Variants in SNX4 observed in about 807,000 individuals in gnomAD.
The protein encoded by SNX4 is sorting nexin 4.
Under a neutral mutation model 70.8 loss-of-function variants are expected in SNX4, and 49 were observed. The observed-to-expected ratio is 0.69, with a 90% confidence interval of 0.55 to 0.88. The LOEUF (loss-of-function observed/expected upper bound fraction) is 0.88, where lower values mean the gene tolerates loss of function less well. SNX4 is among the 40% of genes least tolerant of loss of function. The pLI is 0.00. For synonymous variants in SNX4, 206 were observed against 183.8 expected (o/e 1.12, Z -0.98); for missense variants, 528 against 544.8 (o/e 0.97, Z 0.31).
chr3:125,520,162 G>A lies in SNX4; in HGVS notation c.11C>T (p.Ala4Val), dbSNP rs1017738081. 3.6e-6 allele frequency: 5 copies of A among 1,407,680 alleles called. 1 individual carries two copies. In the Middle Eastern group the frequency reaches 1.0e-3, roughly 290 times the overall value. The allele number at this position is 1,407,680 out of a possible 1,614,324, so 87.2% of individuals were successfully genotyped here. A position where few individuals can be genotyped will look rare whatever the true frequency, so the allele number is the denominator to read the frequency against. Residue 4 changes from alanine to valine, a missense_variant, in exon 1 of 14, where the codon GCA becomes GTA. Ala to Val is a moderately conservative substitution (Grantham distance 64). Transcript: ENST00000251775. MEQ[A>V]PPDPERQLQP... ...GAGCTGCCGCTCGGGGTCCGGAGGTGCCTGCTCCATGGCTGCAGTTCGGCG... is the reference window on the plus strand; with the variant it reads ...GAGCTGCCGCTCGGGGTCCGGAGGTACCTGCTCCATGGCTGCAGTTCGGCG...
At chr3:125,506,783 T>C (rs1292377797) in intron 1 of SNX4, among the ~76,000 whole-genome samples, 2 of 109,696 alleles carry the variant, frequency 1.8e-5, no homozygotes, top group African/African-American at 7.1e-5. Context: ...ATCTTATAGA[T>C]GCTCAGAGAA....
chr3:125,507,453 G>C (rs1231436174), intron 1 of SNX4, among the ~76,000 whole-genome samples: 14 of 152,062 alleles, frequency 9.2e-5, no homozygotes, highest in Admixed American at 9.2e-4. Flanking sequence ...AAGGAGAGGG[G>C]AGAGAGAAAA....
chr3:125,469,355 A>G (rs994860821), intron 9 of SNX4, 99 bp downstream of exon 9: 2 of 786,962 alleles, frequency 2.5e-6, no homozygotes, highest in Non-Finnish European at 4.3e-6. Flanking sequence ...CGCAATATAA[A>G]TGCCAGCAAA....
At chr3:125,516,288 C>T (rs1271247207) in intron 1 of SNX4, among the ~76,000 whole-genome samples, 1 of 152,222 alleles carries the variant, frequency 6.6e-6, no homozygotes, top group Non-Finnish European at 1.5e-5. Flanking sequence ...GCTATTTCCT[C>T]TCCTTCTGCT....
chr3:125,489,369 C>G, intron 6 of SNX4, 39 bp downstream of exon 6: 1 of 1,499,202 alleles, frequency 6.7e-7, no homozygotes, highest in Non-Finnish European at 9.3e-7. Flanking sequence ...TAGCACCATT[C>G]AAAACAACAT....
chr3:125,502,073 A>G (rs1934940700), intron 2 of SNX4, among the ~76,000 whole-genome samples: 1 of 152,222 alleles, frequency 6.6e-6, no homozygotes, highest in Admixed American at 6.5e-5. Flanking sequence ...ACAGGCATAT[A>G]CTAAATATAT....
At chr3:125,465,938 C>T (rs935118377) in intron 9 of SNX4, among the ~76,000 whole-genome samples, 9 of 152,268 alleles carry the variant, frequency 5.9e-5, no homozygotes, top group East Asian at 1.9e-4. Flanking sequence ...CCATTGTGCC[C>T]GGCCCATGTA....
At position 125,520,033 on chromosome 3, in the gene SNX4, G is replaced by A. The variant is rs976498273; in HGVS notation, c.140C>T (p.Thr47Met). Residue 47 changes from threonine (T) to methionine (M), a missense_variant and splice_region_variant, in exon 1 of 14, where the codon ACG (threonine) becomes ATG (methionine). Thr to Met is a moderately conservative substitution (Grantham distance 81). Transcript: ENST00000251775. Reference protein sequence around the residue: ...GAGEESSGVDTMTHNNFWLKK... With the variant: ...GAGEESSGVDMMTHNNFWLKK... ...GGCTCTGCCGCCCCTTCTCCTCACC[G>A]TGTCGACCCCAGAGCTCTCTTCTCC... is the stretch of plus-strand genomic sequence containing the variant. 1.4e-6 allele frequency: 2 copies of A among 1,455,196 alleles called. No individual in the cohort carries two copies. Among genetic ancestry groups the A allele is most frequent in the South Asian group, 1.2e-5 (1 of 84,204 alleles). 90.1% of individuals were successfully genotyped at this position (1,455,196 alleles called of 1,614,324 possible).
rs145898108 is a variant in SNX4 at position 125,471,083 on chromosome 3, G to A, written c.789-1564C>T. Among the ~76,000 whole-genome samples the A allele has an allele frequency of 1.5e-3, 235 of 152,104 alleles. 2 individuals carry two copies. Among genetic ancestry groups the A allele is most frequent in the African/African-American group, 5.4e-3 (225 of 41,492 alleles). ...TTTTTGGCAAGGCATGATGGCTCAC[G>A]CCTATAATCCCAGCACTCTGGGAAG... On this transcript the variant is annotated intron_variant, in intron 8 of 13. Coordinates refer to ENST00000251775, the MANE Select transcript of SNX4 (RefSeq NM_003794.4).
intron 13 of SNX4, 141 bp from the exon 14 acceptor site, chr3:125,447,967 C>A: frequency 1.9e-6 from 1 of 538,728 alleles, no homozygotes; most frequent in South Asian, 2.9e-5. Flanking sequence ...TGGGAAGTGG[C>A]TAATATAAGC....
In SNX4 at chr3:125,470,332, C is replaced by T. The variant is rs1934133100; in HGVS notation, c.789-813G>A. ...GTCATTTTAAATGGCAACTCACAAT[C>T]TTTTTAACCAGTTTCCTGGCTATAC... On this transcript the variant is annotated intron_variant, in intron 8 of 13. Transcript: ENST00000251775. Among the ~76,000 whole-genome samples the T allele has an allele frequency of 2.0e-5, 3 of 151,948 alleles. No homozygotes were observed. The South Asian group carries it at 6.2e-4, about 32-fold the overall frequency.
intron 5 of SNX4, among the ~76,000 whole-genome samples, chr3:125,491,922 T>C (rs940334361): frequency 6.6e-6 from 1 of 151,494 alleles, no homozygotes; most frequent in Admixed American, 6.6e-5. Context: ...GCCTGGCCAA[T>C]ATGGCGAAAC....
At chr3:125,459,579 G>C (rs954352678) in intron 10 of SNX4, among the ~76,000 whole-genome samples, 6 of 152,192 alleles carry the variant, frequency 3.9e-5, no homozygotes, top group African/African-American at 1.4e-4. Context: ...TGGGATTACA[G>C]GCACCCACCA....
rs1934925677 is a variant in SNX4 at position 125,501,226 on chromosome 3, A to C, written c.264-3032T>G. On this transcript the variant is annotated intron_variant, in intron 2 of 13. Coordinates refer to ENST00000251775, the MANE Select transcript of SNX4 (RefSeq NM_003794.4). Reference sequence around the variant, plus strand: ...GTCTATATGATGTGGAGTAGGGAAGAATTTCTTAAAACAGAAAAAACATAA... The same window carrying C: ...GTCTATATGATGTGGAGTAGGGAAGCATTTCTTAAAACAGAAAAAACATAA... Among the ~76,000 whole-genome samples, 5 of 152,236 alleles carry C rather than the reference A, an allele frequency of 3.3e-5. No individual in the cohort carries two copies. In the South Asian group the frequency reaches 1.0e-3, roughly 31 times the overall value.
intron 2 of SNX4, 119 bp downstream of exon 2, chr3:125,504,504 A>G: frequency 1.0e-6 from 1 of 986,646 alleles, no homozygotes; most frequent in Non-Finnish European, 1.5e-6. Context: ...AAAGAAACAA[A>G]GTCAATCCCG....
intron 1 of SNX4, among the ~76,000 whole-genome samples, chr3:125,519,651 A>G (rs1935356800): frequency 6.6e-6 from 1 of 151,716 alleles, no homozygotes; most frequent in Non-Finnish European, 1.5e-5. Context: ...CTGAAACATC[A>G]GCGTTCTTCT....
chr3:125,499,004 T>C (rs1430129203), intron 2 of SNX4, among the ~76,000 whole-genome samples: 2 of 152,080 alleles, frequency 1.3e-5, no homozygotes, highest in East Asian at 3.8e-4. Flanking sequence ...CCAAGAAATA[T>C]CCAAAAGAAC....
chr3:125,497,462 T>C, intron 4 of SNX4, 74 bp from the exon 5 acceptor site: 2 of 1,000,038 alleles, frequency 2.0e-6, no homozygotes, highest in Non-Finnish European at 3.2e-6. Context: ...TAAATTTCTA[T>C]CATTCTGTTC....
intron 1 of SNX4, among the ~76,000 whole-genome samples, chr3:125,511,590 G>A (rs1935176644): frequency 6.6e-6 from 1 of 152,178 alleles, no homozygotes; most frequent in South Asian, 2.1e-4. Context: ...TTCAGAAAGT[G>A]CATCACTGCA....
Sources: allele counts gnomAD v4.1 joint callset (sites outside exome capture counted in the v4.1 genomes callset), GRCh38; gene constraint gnomAD v4.1.1; transcripts MANE v1.5; gene names NCBI Gene and HGNC (gene_info 2026-07-23, HGNC 2026-07-21).